The following ZC3H12B variants were observed in gnomAD, a reference collection of about 807,000 sequenced individuals.
ZC3H12B encodes probable ribonuclease ZC3H12B.
In ZC3H12B, 7 loss-of-function variants were observed where a neutral mutation model predicts 43.9. The observed-to-expected ratio is 0.16, with a 90% CI of 0.09 to 0.30. The LOEUF is 0.30. Among genes scored for constraint, ZC3H12B ranks in the 10% least tolerant of loss-of-function variants. The pLI is 1.00. For synonymous variants in ZC3H12B, 222 were observed against 241.7 expected (o/e 0.92, Z 0.76); for missense variants, 475 against 670.2 (o/e 0.71, Z 3.22).
At chrX:65,193,181 GA>G in the ZC3H12B span, among the ~76,000 whole-genome samples, 1 of 107,897 alleles carries the variant, frequency 9.3e-6, no homozygotes. Context: ...CTCATAGAAT[GA>G]GTATGGAAGT....
the ZC3H12B span, among the ~76,000 whole-genome samples, chrX:65,113,050 A>G: frequency 9.0e-6 from 1 of 111,641 alleles, no homozygotes; most frequent in African/African-American, 3.2e-5. Context: ...ATTAACAGGA[A>G]TTTGGAATAT....
At chrX:65,060,686 C>T in the ZC3H12B span, among the ~76,000 whole-genome samples, 1 of 111,754 alleles carries the variant, frequency 8.9e-6, no homozygotes, top group Admixed American at 9.5e-5. Context: ...CTTTGTCTGT[C>T]TTTGGCATCA....
chrX:65,386,623 G>C (rs755433809), intron 2 of ZC3H12B, among the ~76,000 whole-genome samples: 25 of 111,091 alleles, frequency 2.3e-4, no homozygotes, highest in African/African-American at 8.2e-4. Context: ...TTTTTTGAAG[G>C]GTTTTTTGTG....
intron 3 of ZC3H12B, among the ~76,000 whole-genome samples, chrX:65,442,565 G>T: frequency 9.0e-6 from 1 of 111,440 alleles, no homozygotes; most frequent in Non-Finnish European, 1.9e-5. Flanking sequence ...CTGAGGTTGG[G>T]CCTGGGCATT....
chrX:65,159,344 T>C, the ZC3H12B span, among the ~76,000 whole-genome samples: 2 of 111,929 alleles, frequency 1.8e-5, no homozygotes, highest in African/African-American at 3.2e-5. Flanking sequence ...ATTGAATCTA[T>C]AAATTACCTT....
At chrX:65,328,683 T>A in the ZC3H12B span, among the ~76,000 whole-genome samples, 2 of 94,008 alleles carry the variant, frequency 2.1e-5, no homozygotes, top group Admixed American at 2.3e-4. Context: ...TATATCCTAA[T>A]GCTATCCCTC....
the ZC3H12B span, among the ~76,000 whole-genome samples, chrX:65,231,470 GGCGTATCTCAATCCTTATCTTAACC>G: frequency 2.7e-5 from 3 of 110,716 alleles, no homozygotes; most frequent in East Asian, 2.9e-4. Flanking sequence ...AGGAGACCAG[GGCGTATCTCAATCCTTATCTTAACC>G]GCGTATCTCA....
chrX:65,324,238 C>T, the ZC3H12B span, among the ~76,000 whole-genome samples: 1 of 111,856 alleles, frequency 8.9e-6, no homozygotes, highest in Non-Finnish European at 1.9e-5. Flanking sequence ...GTTGTAATTG[C>T]TTTTGGTGTT....
the ZC3H12B span, among the ~76,000 whole-genome samples, chrX:65,163,600 C>G: frequency 1.8e-5 from 2 of 111,641 alleles, no homozygotes; most frequent in African/African-American, 6.5e-5. Context: ...TCTCCTGGTG[C>G]GCCGTTTTTT....
At chrX:65,061,815 A>G in the ZC3H12B span, among the ~76,000 whole-genome samples, 1 of 111,849 alleles carries the variant, frequency 8.9e-6, no homozygotes. Flanking sequence ...TCTCCACATC[A>G]TTTCCAGAAT....
chrX:65,096,527 G>A, the ZC3H12B span, among the ~76,000 whole-genome samples: 2 of 111,944 alleles, frequency 1.8e-5, no homozygotes, highest in African/African-American at 6.5e-5. Flanking sequence ...CTTTTAATGG[G>A]CCTGTTAATA....
chrX:65,201,315 G>T, the ZC3H12B span, among the ~76,000 whole-genome samples: 1 of 111,430 alleles, frequency 9.0e-6, no homozygotes, highest in Non-Finnish European at 1.9e-5. Context: ...ATTTCTTCTA[G>T]ATTTTCTAGT....
the ZC3H12B span, among the ~76,000 whole-genome samples, chrX:65,148,247 A>G: frequency 1.8e-5 from 2 of 110,053 alleles, no homozygotes; most frequent in Non-Finnish European, 3.8e-5. Context: ...CTCTTTGCTG[A>G]TCTGAAATCT....
the ZC3H12B span, among the ~76,000 whole-genome samples, chrX:65,243,540 C>A: frequency 4.5e-5 from 5 of 111,485 alleles, no homozygotes; most frequent in Admixed American, 4.8e-4. Context: ...ATTAGTATAG[C>A]CACTGTGGAA....
chrX:65,438,469 G>A (rs1043641024), intron 3 of ZC3H12B, among the ~76,000 whole-genome samples: 9 of 111,853 alleles, frequency 8.0e-5, no homozygotes, highest in African/African-American at 2.9e-4. Flanking sequence ...GACCAGCTCA[G>A]TCGGGGAGAC....
the ZC3H12B span, among the ~76,000 whole-genome samples, chrX:65,138,616 G>A: frequency 8.9e-6 from 1 of 111,798 alleles, no homozygotes; most frequent in Non-Finnish European, 1.9e-5. Flanking sequence ...CAGTAGGATT[G>A]CTAAATTATA....
At chrX:65,403,908 T>G (rs1410128200) in intron 3 of ZC3H12B, among the ~76,000 whole-genome samples, 1 of 111,427 alleles carries the variant, frequency 9.0e-6, no homozygotes, top group Non-Finnish European at 1.9e-5. Context: ...TAATAGTAAG[T>G]GCACAGAAAA....
the ZC3H12B span, among the ~76,000 whole-genome samples, chrX:65,229,444 T>G: frequency 2.8e-5 from 3 of 107,658 alleles, no homozygotes; most frequent in Non-Finnish European, 5.8e-5. Context: ...GAAGAAAACC[T>G]AGGCATTACC....
intron 3 of ZC3H12B, among the ~76,000 whole-genome samples, chrX:65,450,823 ATACATAT>A: frequency 1.3e-5 from 1 of 79,473 alleles, no homozygotes; most frequent in African/African-American, 5.5e-5. Flanking sequence ...ATGTATATAT[ATACATAT>A]GTGTATATAT....
Sources: allele counts gnomAD v4.1 joint callset (sites outside exome capture counted in the v4.1 genomes callset), GRCh38; gene constraint gnomAD v4.1.1; transcripts MANE v1.5; gene names NCBI Gene and HGNC (gene_info 2026-07-23, HGNC 2026-07-21).